The following ERC1 variants were observed in gnomAD, a reference collection of about 807,000 sequenced individuals.
ERC1 encodes the protein ELKS/RAB6-interacting/CAST family member 1, also known as RAB6 interacting protein 2.
In ERC1, 56 loss-of-function variants were observed where a neutral mutation model predicts 132.0. The ratio of observed to expected loss-of-function variants is 0.42; its 90% confidence interval spans 0.34 to 0.53. ERC1 has a LOEUF of 0.53. ERC1 is among the 20% of genes least tolerant of loss of function. The pLI, the probability that ERC1 is intolerant of heterozygous loss-of-function variation, is 0.03. For synonymous variants in ERC1, 478 were observed against 476.1 expected, an observed-to-expected ratio of 1.00 and a Z score of -0.05; for missense variants, 1,202 against 1,349.9, an observed-to-expected ratio of 0.89 and a Z score of 1.72.
At chr12:1,029,744 CTTTTTTTTTTT>C (rs747890124) in intron 2 of ERC1, among the ~76,000 whole-genome samples, 1 of 114,236 alleles carries the variant, frequency 8.8e-6, no homozygotes, top group Non-Finnish European at 1.7e-5. Flanking sequence ...GTTAAACATA[CTTTTTTTTTTT>C]TTTTTTTTTT....
intron 2 of ERC1, among the ~76,000 whole-genome samples, chr12:1,057,890 G>A (rs531544175): frequency 1.3e-5 from 2 of 151,976 alleles, no homozygotes; most frequent in African/African-American, 2.4e-5. Flanking sequence ...CACCGCACCC[G>A]GCCTAAAATT....
chr12:1,182,021 A>C lies in ERC1; in HGVS notation c.1972A>C (p.Lys658Gln), dbSNP rs1042974466. The C allele has an allele frequency of 6.2e-7, 1 of 1,614,154 alleles. No individual in the cohort carries two copies. The highest frequency in any genetic ancestry group is 1.6e-4 in the Middle Eastern group (1 of 6,062). ...CTACAAAAAAGATCTTAAAGACTTG[A>C]AGGAAAAAGTCAGCCTGTTGCAAGG... The part of the protein sequence containing the change: ...DNYKKDLKDL[K>Q]EKVSLLQGDL... Residue 658 changes from lysine (K) to glutamine (Q), a missense_variant, in exon 10 of 19, where the codon AAG becomes CAG. Lys to Gln is a moderately conservative substitution (Grantham distance 53). Coordinates refer to ENST00000360905, the MANE Select transcript of ERC1 (RefSeq NM_178040.4).
At chr12:1,321,261 T>C (rs947073636) in intron 15 of ERC1, among the ~76,000 whole-genome samples, 1 of 152,192 alleles carries the variant, frequency 6.6e-6, no homozygotes, top group African/African-American at 2.4e-5. Flanking sequence ...TGTTTGATAG[T>C]ATTATGAGAA....
chr12:1,348,812 G>A (rs1595154920), intron 15 of ERC1, among the ~76,000 whole-genome samples: 2 of 152,068 alleles, frequency 1.3e-5, no homozygotes, highest in Admixed American at 1.3e-4. Flanking sequence ...TTTTTGGTAA[G>A]TGCTGAGCAT....
intron 18 of ERC1, among the ~76,000 whole-genome samples, chr12:1,464,863 A>G (rs2093713735): frequency 6.6e-6 from 1 of 152,050 alleles, no homozygotes; most frequent in Admixed American, 6.6e-5. Flanking sequence ...TTGGCCTCAC[A>G]CTGGACTCTT....
intron 15 of ERC1, among the ~76,000 whole-genome samples, chr12:1,310,219 A>T (rs60174917): frequency 1.4e-5 from 2 of 144,678 alleles, no homozygotes; most frequent in Admixed American, 1.4e-4. Flanking sequence ...TTTTTATTTT[A>T]TTTTATTTTA....
chr12:1,098,064 C>T (rs935536187), intron 3 of ERC1, among the ~76,000 whole-genome samples: 3 of 152,178 alleles, frequency 2.0e-5, no homozygotes, highest in Admixed American at 1.3e-4. Flanking sequence ...GAACCTTACT[C>T]ATTAAACTGT....
chr12:1,279,658 C>CTT (rs139054168), intron 14 of ERC1, among the ~76,000 whole-genome samples: 31,529 of 141,578 alleles, frequency 0.22, 4,060 homozygotes, highest in Non-Finnish European at 0.3. Flanking sequence ...TCAAAGCAGA[C>CTT]TTTTTTTTTT....
chr12:1,134,108 A>G (rs1399392442), intron 7 of ERC1, among the ~76,000 whole-genome samples: 1 of 152,128 alleles, frequency 6.6e-6, no homozygotes, highest in East Asian at 1.9e-4. Flanking sequence ...ATACTTGGAA[A>G]TAGTTTCATT....
intron 16 of ERC1, among the ~76,000 whole-genome samples, chr12:1,394,308 G>T (rs933967559): frequency 6.6e-6 from 1 of 151,838 alleles, no homozygotes; most frequent in African/African-American, 2.4e-5. Context: ...GCTGAGGCAG[G>T]AGAATGGTGT....
intron 2 of ERC1, among the ~76,000 whole-genome samples, chr12:1,031,923 A>C (rs1470360746): frequency 6.6e-6 from 1 of 152,190 alleles, no homozygotes; most frequent in Non-Finnish European, 1.5e-5. Flanking sequence ...GCCTCCCTTC[A>C]TACCAGCTAA....
chr12:1,061,378 T>G (rs1937846395), intron 2 of ERC1, among the ~76,000 whole-genome samples: 1 of 151,416 alleles, frequency 6.6e-6, no homozygotes. Context: ...CGCAGATCAC[T>G]TGAGCCCAGG....
At chr12:1,372,408 T>C (rs2087352389) in intron 16 of ERC1, among the ~76,000 whole-genome samples, 1 of 152,202 alleles carries the variant, frequency 6.6e-6, no homozygotes, top group Non-Finnish European at 1.5e-5. Flanking sequence ...CCTTTTCTTT[T>C]CCAGCCTAAA....
At chr12:1,114,012 CTTTTCTTT>C (rs1481203896) in intron 6 of ERC1, among the ~76,000 whole-genome samples, 1 of 151,976 alleles carries the variant, frequency 6.6e-6, no homozygotes, top group Non-Finnish European at 1.5e-5. Context: ...CTCTGCTTTT[CTTTTCTTT>C]TTTTCTTTTT....
intron 15 of ERC1, among the ~76,000 whole-genome samples, chr12:1,328,597 G>A (rs953335840): frequency 6.6e-6 from 1 of 151,966 alleles, no homozygotes; most frequent in African/African-American, 2.4e-5. Flanking sequence ...ACGCCCATGT[G>A]ACCTCACGTT....
At chr12:1,449,946 G>A (rs930467362) in intron 18 of ERC1, among the ~76,000 whole-genome samples, 8 of 150,670 alleles carry the variant, frequency 5.3e-5, no homozygotes, top group African/African-American at 1.7e-4. Flanking sequence ...TTACTCTGTG[G>A]TTTACAGTGT....
chr12:1,346,266 C>T (rs895536631), intron 15 of ERC1, among the ~76,000 whole-genome samples: 8 of 152,254 alleles, frequency 5.3e-5, no homozygotes, highest in African/African-American at 1.7e-4. Flanking sequence ...TTAGAGATTG[C>T]TAGAAAACAG....
chr12:1,216,607 A>AGGAGGGATGGGGGGCGGGGGG (rs1485383560), intron 12 of ERC1, among the ~76,000 whole-genome samples: 321 of 27,426 alleles, frequency 0.012, 2 homozygotes, highest in Admixed American at 0.032. Flanking sequence ...GGGGTCGGGG[A>AGGAGGGATGGGGGGCGGGGGG]GGAGGGATGG....
intron 2 of ERC1, among the ~76,000 whole-genome samples, chr12:1,080,592 A>G (rs1310987148): frequency 6.6e-6 from 1 of 152,194 alleles, no homozygotes; most frequent in South Asian, 2.1e-4. Context: ...TAATTGAATC[A>G]TGGGGGCCAG....
Sources: gnomAD v4.1 joint callset for allele counts (sites outside exome capture counted in the v4.1 genomes callset) on GRCh38, gnomAD v4.1.1 for gene constraint, MANE v1.5 for transcripts, NCBI Gene and HGNC (gene_info 2026-07-23, HGNC 2026-07-21) for gene names.